Variants in STX8 observed in about 807,000 individuals in gnomAD.
STX8 encodes syntaxin-8.
In STX8, 23 loss-of-function variants were observed where a neutral mutation model predicts 37.5. That is an observed-to-expected ratio of 0.61 (90% confidence interval 0.44 to 0.87). The LOEUF (loss-of-function observed/expected upper bound fraction) is 0.87, where lower values mean the gene tolerates loss of function less well. Ranked by LOEUF, STX8 falls within the 40% of genes least tolerant of loss-of-function variation. STX8 has a pLI of 0.00. For synonymous variants in STX8, 115 were observed against 99.1 expected (o/e 1.16, Z -0.95); for missense variants, 313 against 284.7 (o/e 1.10, Z -0.71).
chr17:9,484,553 C>T (rs553374889), intron 6 of STX8, among the ~76,000 whole-genome samples: 21 of 150,784 alleles, frequency 1.4e-4, no homozygotes, highest in East Asian at 7.8e-4. Flanking sequence ...TGGTGGCTCA[C>T]GCCTGTAATC....
At chr17:9,421,829 G>A (rs763414041) in intron 6 of STX8, among the ~76,000 whole-genome samples, 8 of 151,110 alleles carry the variant, frequency 5.3e-5, no homozygotes, top group Non-Finnish European at 1.0e-4. Context: ...TTGAAGGAGG[G>A]GCCTGTTGGG....
chr17:9,494,615 CAAA>C (rs35806606), intron 5 of STX8, among the ~76,000 whole-genome samples: 255 of 64,294 alleles, frequency 4.0e-3, no homozygotes, highest in African/African-American at 0.013. Flanking sequence ...GAACCTGTCT[CAAA>C]AAAAAAAAAA....
At chr17:9,506,775 C>A (rs1486965021) in intron 4 of STX8, among the ~76,000 whole-genome samples, 1 of 151,994 alleles carries the variant, frequency 6.6e-6, no homozygotes, top group Non-Finnish European at 1.5e-5. Context: ...GTTGCACTGC[C>A]CCAGATTAGG....
In STX8 at chr17:9,354,446, C is replaced by G. The variant is rs150317322; in HGVS notation, c.643+24106G>C. Reference sequence around the variant, plus strand: ...AAGTGATTCTCCTGCCTCGGCTTCCCGAGTGGTTGGGATTACAGGCCCGTG... The same window carrying G: ...AAGTGATTCTCCTGCCTCGGCTTCCGGAGTGGTTGGGATTACAGGCCCGTG... On this transcript the variant is annotated intron_variant, in intron 7 of 7. Transcript: ENST00000306357. 1.6e-3 allele frequency among the ~76,000 whole-genome samples: 240 copies of G among 151,618 alleles called. 1 individual carries two copies. The highest frequency in any genetic ancestry group is 5.5e-3 in the African/African-American group (227 of 41,282).
At chr17:9,573,273 G>C (rs1353673377) in intron 1 of STX8, among the ~76,000 whole-genome samples, 1 of 152,100 alleles carries the variant, frequency 6.6e-6, no homozygotes, top group African/African-American at 2.4e-5. Flanking sequence ...CCTTAAGTCT[G>C]ATAAGAAACA....
intron 4 of STX8, among the ~76,000 whole-genome samples, chr17:9,522,028 A>C (rs763880769): frequency 6.6e-6 from 1 of 152,202 alleles, no homozygotes; most frequent in Non-Finnish European, 1.5e-5. Context: ...AGGGTAGAAA[A>C]GGCCATCATT....
intron 7 of STX8, among the ~76,000 whole-genome samples, chr17:9,304,028 T>C (rs1046179065): frequency 7.9e-5 from 12 of 151,592 alleles, no homozygotes; most frequent in African/African-American, 2.2e-4. Flanking sequence ...AAAAAAATAT[T>C]TGAAATTCAT....
chr17:9,536,467 T>C (rs541344982), intron 4 of STX8, among the ~76,000 whole-genome samples: 2 of 152,290 alleles, frequency 1.3e-5, no homozygotes, highest in East Asian at 3.9e-4. Context: ...ATCTGTTATA[T>C]GTGGTTGAGA....
intron 6 of STX8, chr17:9,437,927 T>A (rs1405566251): frequency 6.6e-6 from 1 of 152,168 alleles, no homozygotes; most frequent in Non-Finnish European, 1.5e-5. Context: ...TGGTACTTAT[T>A]CTGGCCTTTG....
chr17:9,297,304 G>C (rs796391837), intron 7 of STX8, among the ~76,000 whole-genome samples: 1 of 151,360 alleles, frequency 6.6e-6, no homozygotes, highest in Admixed American at 6.6e-5. Flanking sequence ...GGTTTAGTGA[G>C]TATAGAAACT....
intron 3 of STX8, among the ~76,000 whole-genome samples, chr17:9,549,302 G>A (rs907918437): frequency 5.3e-5 from 8 of 152,180 alleles, no homozygotes; most frequent in African/African-American, 1.9e-4. Context: ...AGCTAACAAA[G>A]AACATCAGTT....
chr17:9,401,018 C>G (rs1239105805), intron 6 of STX8, among the ~76,000 whole-genome samples: 1 of 152,156 alleles, frequency 6.6e-6, no homozygotes, highest in East Asian at 1.9e-4. Context: ...GAAAAATAGC[C>G]TACATTTCAA....
At chr17:9,254,464 T>C (rs937102857) in intron 7 of STX8, among the ~76,000 whole-genome samples, 2 of 152,026 alleles carry the variant, frequency 1.3e-5, no homozygotes, top group Non-Finnish European at 2.9e-5. Flanking sequence ...GACGTGATCT[T>C]GGCTCACTGC....
In STX8 at chr17:9,559,758, A is replaced by AT. The variant is rs1159388418; in HGVS notation, c.118-2231dup. 5.9e-3 allele frequency among the ~76,000 whole-genome samples: 168 copies of AT among 28,316 alleles called. 5 individuals are homozygous for AT. Among genetic ancestry groups the AT allele is most frequent in the African/African-American group, 0.02 (148 of 7,358 alleles). 18.6% of individuals were successfully genotyped at this position (28,316 alleles called of 152,430 possible). A position where few individuals can be genotyped will look rare whatever the true frequency, so the allele number is the denominator to read the frequency against. Reference sequence around the variant, plus strand: ...TTTATATATATATATATATATATATATATTTTTTTTTTTTTTTTTTTTGAG... The same window carrying AT: ...TTTATATATATATATATATATATATATTATTTTTTTTTTTTTTTTTTTTGAG... On this transcript the variant is annotated intron_variant, in intron 2 of 7. Coordinates refer to ENST00000306357, the MANE Select transcript of STX8 (RefSeq NM_004853.3).
intron 6 of STX8, among the ~76,000 whole-genome samples, chr17:9,434,325 GC>G (rs1904348686): frequency 6.6e-6 from 1 of 152,178 alleles, no homozygotes; most frequent in African/African-American, 2.4e-5. Context: ...TCTTAAAGTT[GC>G]TATTTCATCC....
intron 6 of STX8, among the ~76,000 whole-genome samples, chr17:9,431,949 C>A (rs551059195): frequency 2.0e-5 from 3 of 152,224 alleles, no homozygotes; most frequent in Admixed American, 6.5e-5. Flanking sequence ...ATACAGGATA[C>A]CCCTCTCACT....
chr17:9,560,408 A>AAC (rs1172422364), intron 2 of STX8, among the ~76,000 whole-genome samples: 1 of 151,626 alleles, frequency 6.6e-6, no homozygotes, highest in Non-Finnish European at 1.5e-5. Flanking sequence ...AAAAAAAAAA[A>AAC]AAAAAAACGG....
At chr17:9,497,784 C>A (rs923624229) in intron 5 of STX8, among the ~76,000 whole-genome samples, 1 of 152,156 alleles carries the variant, frequency 6.6e-6, no homozygotes, top group Non-Finnish European at 1.5e-5. Context: ...TATGTCTTTG[C>A]CCCAGATCTG....
intron 4 of STX8, among the ~76,000 whole-genome samples, chr17:9,526,418 G>A (rs1042719086): frequency 1.8e-4 from 28 of 152,226 alleles, no homozygotes; most frequent in Middle Eastern, 3.4e-3. Context: ...CTACATGCAC[G>A]TCCTGGAACC....
Sources: gnomAD v4.1 joint callset for allele counts (sites outside exome capture counted in the v4.1 genomes callset) on GRCh38, gnomAD v4.1.1 for gene constraint, MANE v1.5 for transcripts, NCBI Gene and HGNC (gene_info 2026-07-23, HGNC 2026-07-21) for gene names.